Variants in BRCA2 observed in about 807,000 individuals in gnomAD.
The protein encoded by BRCA2 is BRCA2 DNA repair associated.
Under a neutral mutation model 276.7 loss-of-function variants are expected in BRCA2, and 203 were observed. The ratio of observed to expected loss-of-function variants is 0.73; its 90% CI spans 0.65 to 0.82. BRCA2 has a LOEUF of 0.82. Ranked by LOEUF, BRCA2 falls within the 40% of genes least tolerant of loss-of-function variation. BRCA2 has a pLI of 0.00. For synonymous variants in BRCA2, 1,289 were observed against 1,338.4 expected, an observed-to-expected ratio of 0.96 and a Z score of 0.81; for missense variants, 3,920 against 3,915.0, an observed-to-expected ratio of 1.00 and a Z score of -0.03.
intron 24 of BRCA2, among the ~76,000 whole-genome samples, chr13:32,388,121 CTTT>C (rs34184533): frequency 1.2e-4 from 17 of 141,516 alleles, no homozygotes; most frequent in Non-Finnish European, 9.1e-5. Flanking sequence ...ATGACCTCAT[CTTT>C]TTTTTTTTTT....
rs114616563 is a variant in BRCA2 at position 32,360,873 on chromosome 13, C to T, written c.7806-1650C>T. Among the ~76,000 whole-genome samples the T allele has an allele frequency of 7.1e-3, 1,078 of 152,126 alleles. 14 individuals are homozygous for T. The highest frequency in any genetic ancestry group is 0.025 in the African/African-American group (1,023 of 41,514). On this transcript the variant is annotated intron_variant, in intron 16 of 26. Coordinates refer to ENST00000380152, the MANE Select transcript of BRCA2 (RefSeq NM_000059.4). ...AGTTGCTCAAGGATTAGATATAAAA[C>T]GTGAGAGAGGAGGAGAATAAGAATG...
chr13:32,321,390 T>C (rs956798828), intron 3 of BRCA2, among the ~76,000 whole-genome samples: 4 of 152,164 alleles, frequency 2.6e-5, no homozygotes, highest in African/African-American at 9.7e-5. Context: ...TGTGATATGT[T>C]ATAAGAGCAT....
At position 32,336,586 on chromosome 13, in the gene BRCA2, C is replaced by T. The variant is rs397507282; in HGVS notation, c.2231C>T (p.Ser744Leu). ...GCAGCATGTCACCCAGTACAACATT[C>T]AAAAGTGGAATACAGTGATACTGAC... ...LAAACHPVQH[S>L]KVEYSDTDFQ... The change falls in exon 11 of 27, where the codon TCA (serine) becomes TTA (leucine). Residue 744 changes from serine to leucine, a missense_variant. By Grantham distance (145) the Ser-to-Leu change is moderately radical (BLOSUM62 -2). Transcript: ENST00000380152. 19 of 1,613,846 alleles carry T rather than the reference C, an allele frequency of 1.2e-5. No homozygotes were observed. The highest frequency in any genetic ancestry group is 1.6e-5 in the Non-Finnish European group (19 of 1,179,962).
In BRCA2 at chr13:32,339,858, A is replaced by G. The variant is rs80358771; in HGVS notation, c.5503A>G (p.Asn1835Asp). The change falls in exon 11 of 27, where the codon AAT becomes GAT. Residue 1835 changes from asparagine to aspartate, a missense_variant. Around this residue, in one of 2 missense-constraint regions of BRCA2, gnomAD observed 3,263 missense variants for 3,156.9 expected, o/e 1.03. Transcript: ENST00000380152. ...CATTAAATTGTCCATATCTAATAGT[A>G]ATAATTTTGAGGTAGGGCCACCTGC... Reference protein sequence around the residue: ...AAIKLSISNSNNFEVGPPAFR... With the variant: ...AAIKLSISNSDNFEVGPPAFR... 20 of 1,613,000 alleles carry G rather than the reference A, an allele frequency of 1.2e-5. No homozygotes were observed. The African/African-American group carries it at 2.5e-4, about 20-fold the overall frequency.
chr13:32,332,837 A>T lies in BRCA2; in HGVS notation c.1359A>T (p.Pro453=), dbSNP rs730881586. 6.2e-7 allele frequency: 1 copy of T among 1,611,616 alleles called. No individual in the cohort carries two copies. Among genetic ancestry groups the T allele is most frequent in the Non-Finnish European group, 8.5e-7 (1 of 1,179,452 alleles). ...ENSLPRISSL[P]KSEKPLNEET... ...CTTTGCCACGTATTTCTAGCCTACC[A>T]AAATCAGAGAAGCCATTAAATGAGG... Residue 453 remains proline, a synonymous_variant, in exon 10 of 27, where the codon CCA becomes CCT. Coordinates refer to ENST00000380152, the MANE Select transcript of BRCA2 (RefSeq NM_000059.4).
rs372507971 is a variant in BRCA2, at chr13:32,372,447, C to T, written c.8632+1347C>T. Among the ~76,000 whole-genome samples the T allele has an allele frequency of 1.1e-3, 163 of 152,178 alleles. 4 individuals carry two copies. In the South Asian group the frequency reaches 0.032, roughly 30 times the overall value. On this transcript the variant is annotated intron_variant, in intron 20 of 26. Transcript: ENST00000380152. ...GGCCTCAGGAAACTTACAATCATGGCGGAAGGCAAAGGCAAAGCAAGTACC... is the reference window on the plus strand; with the variant it reads ...GGCCTCAGGAAACTTACAATCATGGTGGAAGGCAAAGGCAAAGCAAGTACC...
chr13:32,366,466 C>A (rs1435274027), intron 18 of BRCA2, among the ~76,000 whole-genome samples: 1 of 152,054 alleles, frequency 6.6e-6, no homozygotes, highest in Non-Finnish European at 1.5e-5. Flanking sequence ...TAAAAGAAAA[C>A]TTGTGGTTCT....
At chr13:32,391,829 A>G (rs2072999114) in intron 24 of BRCA2, among the ~76,000 whole-genome samples, 1 of 152,240 alleles carries the variant, frequency 6.6e-6, no homozygotes, top group Admixed American at 6.5e-5. Flanking sequence ...TAATTAAAGA[A>G]ATAAGGCTTC....
In BRCA2 at chr13:32,340,654, AAAATGT is replaced by A. The variant is rs1593908185; in HGVS notation, c.6301_6306del (p.Asn2101_Val2102del). 6.2e-7 allele frequency: 1 copy of A among 1,607,016 alleles called. No homozygotes were observed. The highest frequency in any genetic ancestry group is 8.5e-7 in the Non-Finnish European group (1 of 1,178,174). ...CTTCACTATTCACCTACGTCTAGAC[AAAATGT>A]ATCAAAAATACTTCCTCGTGTTGAT... On this transcript the variant is annotated inframe_deletion, in exon 11 of 27. Transcript: ENST00000380152.
intron 16 of BRCA2, among the ~76,000 whole-genome samples, chr13:32,358,372 A>T (rs1047919403): frequency 1.3e-5 from 2 of 151,326 alleles, no homozygotes; most frequent in Non-Finnish European, 2.9e-5. Flanking sequence ...GCTACTCTGG[A>T]GGCTGAGGCA....
At chr13:32,322,576 G>A (rs974000462) in intron 3 of BRCA2, among the ~76,000 whole-genome samples, 4 of 152,210 alleles carry the variant, frequency 2.6e-5, no homozygotes, top group Non-Finnish European at 5.9e-5. Context: ...GCCTTTAAGC[G>A]GTTTTCTGCC....
At position 32,316,456 on chromosome 13, in the gene BRCA2, TA is replaced by T. The variant is rs761283611; in HGVS notation, c.1del. Reference sequence around the variant, plus strand: ...CCAAGCATTGGAGGAATATCGTAGGTAAAAATGCCTATTGGATCCAAAGAGA... The same window carrying T: ...CCAAGCATTGGAGGAATATCGTAGGTAAAATGCCTATTGGATCCAAAGAGA... On this transcript the variant is annotated 5_prime_UTR_variant, in exon 2 of 27. Transcript: ENST00000380152. 1.9e-6 allele frequency: 3 copies of T among 1,613,108 alleles called. No individual in the cohort carries two copies. Among genetic ancestry groups the T allele is most frequent in the Admixed American group, 1.7e-5 (1 of 60,008 alleles).
intron 3 of BRCA2, 120 bp from the exon 4 acceptor site, chr13:32,324,956 A>G (rs2072332567): frequency 2.8e-6 from 2 of 713,976 alleles, no homozygotes; most frequent in Non-Finnish European, 4.9e-6. Context: ...TCTTCTTACA[A>G]CTCCCTATAC....
In BRCA2 at chr13:32,398,686, C is replaced by G. The variant is rs1593202427; in HGVS notation, c.10173C>G (p.Ile3391Met). Reference protein sequence around the residue: ...RLKRRCTTSLIKEQESSQAST... With the variant: ...RLKRRCTTSLMKEQESSQAST... Reference sequence around the variant, plus strand: ...AACGACGTTGTACTACATCTCTGATCAAAGAACAGGAGAGTTCCCAGGCCA... The same window carrying G: ...AACGACGTTGTACTACATCTCTGATGAAAGAACAGGAGAGTTCCCAGGCCA... Residue 3391 changes from isoleucine to methionine, a missense_variant, in exon 27 of 27, where the codon ATC (isoleucine) becomes ATG (methionine). Around this residue, in one of 2 missense-constraint regions of BRCA2, gnomAD observed 657 missense variants for 758.2 expected, o/e 0.87. Transcript: ENST00000380152. The G allele has an allele frequency of 1.2e-6, 2 of 1,614,066 alleles. No homozygotes were observed. Among genetic ancestry groups the G allele is most frequent in the African/African-American group, 2.7e-5 (2 of 75,018 alleles).
chr13:32,375,124 A>G (rs1249188504), intron 20 of BRCA2, among the ~76,000 whole-genome samples: 1 of 152,226 alleles, frequency 6.6e-6, no homozygotes, highest in African/African-American at 2.4e-5. Context: ...ATGGAACAGC[A>G]TGGGAGAAAC....
chr13:32,330,946 G>A lies in BRCA2; in HGVS notation c.709G>A (p.Asp237Asn), dbSNP rs398122575. 4.3e-6 allele frequency: 7 copies of A among 1,612,640 alleles called. No individual in the cohort carries two copies. Among genetic ancestry groups the A allele is most frequent in the Non-Finnish European group, 5.9e-6 (7 of 1,178,962 alleles). ...TGTGAAAAGCTATTTTTCCAATCATGATGAAAGTCTGAAGAAAAATGATAG... is the reference window on the plus strand; with the variant it reads ...TGTGAAAAGCTATTTTTCCAATCATAATGAAAGTCTGAAGAAAAATGATAG... ...ANVKSYFSNH[D>N]ESLKKNDRFI... Residue 237 changes from aspartate to asparagine, a missense_variant, in exon 9 of 27, where the codon GAT becomes AAT. Asp to Asn is a conservative substitution (Grantham distance 23). Coordinates refer to ENST00000380152, the MANE Select transcript of BRCA2 (RefSeq NM_000059.4).
chr13:32,387,718 T>C (rs2072969951), intron 24 of BRCA2, among the ~76,000 whole-genome samples: 1 of 152,196 alleles, frequency 6.6e-6, no homozygotes, highest in African/African-American at 2.4e-5. Context: ...AAGTTCGTAG[T>C]AGATAGCGGT....
Position 32,316,433 on chromosome 13 carries a change from A to C in BRCA2, c.-28A>C, listed in dbSNP as rs763296677. On this transcript the variant is annotated 5_prime_UTR_variant, in exon 2 of 27. Transcript: ENST00000380152. ...CTTCTGTTTTGCAGACTTATTTACC[A>C]AGCATTGGAGGAATATCGTAGGTAA... 6.2e-7 allele frequency: 1 copy of C among 1,601,086 alleles called. No homozygotes were observed. The highest frequency in any genetic ancestry group is 1.7e-5 in the Admixed American group (1 of 59,996).
At position 32,380,776 on chromosome 13, in the gene BRCA2, G is replaced by A. The variant is rs141669194; in HGVS notation, c.9256+631G>A. 1.1e-3 allele frequency among the ~76,000 whole-genome samples: 166 copies of A among 151,940 alleles called. 2 individuals are homozygous for A. The East Asian group carries it at 0.027, about 25-fold the overall frequency. On this transcript the variant is annotated intron_variant, in intron 24 of 26. Transcript: ENST00000380152. ...AGGATAGTCTAAATCTCCTGACCTCGTGATCTACCAGCCTCGGCCTCCCAA... is the reference window on the plus strand; with the variant it reads ...AGGATAGTCTAAATCTCCTGACCTCATGATCTACCAGCCTCGGCCTCCCAA...
Sources: gnomAD v4.1 joint callset for allele counts (sites outside exome capture counted in the v4.1 genomes callset) on GRCh38, gnomAD v4.1.1 for gene constraint, gnomAD v4.1.1 regional missense constraint, MANE v1.5 for transcripts, NCBI Gene and HGNC (gene_info 2026-07-23, HGNC 2026-07-21) for gene names.